The following ANK2 variants were observed in gnomAD, a reference collection of about 807,000 sequenced individuals.
ANK2 encodes ankyrin-2.
A neutral mutation model predicts 360.5 loss-of-function variants in ANK2; 83 were observed. The ratio of observed to expected loss-of-function variants is 0.23; its 90% CI spans 0.19 to 0.28. ANK2 has a LOEUF of 0.28. Among genes scored for constraint, ANK2 ranks in the 10% least tolerant of loss-of-function variants. ANK2 has a pLI of 1.00. For missense variants in ANK2, 4,201 were observed against 4,795.7 expected, an observed-to-expected ratio of 0.88 and a Z score of 3.66; for synonymous variants, 1,740 against 1,759.5, an observed-to-expected ratio of 0.99 and a Z score of 0.28.
chr4:113,004,609 T>A (rs898027547), intron 2 of ANK2, among the ~76,000 whole-genome samples: 2 of 152,226 alleles, frequency 1.3e-5, no homozygotes, highest in Non-Finnish European at 2.9e-5. Flanking sequence ...TACAGTTAAC[T>A]TCTTTTTCTA....
chr4:113,113,323 C>G (rs2094478272), intron 1 of ANK2, among the ~76,000 whole-genome samples: 1 of 152,094 alleles, frequency 6.6e-6, no homozygotes, highest in Non-Finnish European at 1.5e-5. Context: ...TTCTCCTGGG[C>G]AGGGCTAGGG....
intron 1 of ANK2, among the ~76,000 whole-genome samples, chr4:112,846,077 C>T (rs1410128374): frequency 6.6e-6 from 1 of 152,084 alleles, no homozygotes; most frequent in African/African-American, 2.4e-5. Flanking sequence ...GTAGTCTTTC[C>T]TAACTGAATC....
chr4:112,897,199 G>A (rs2082024928), intron 1 of ANK2, among the ~76,000 whole-genome samples: 1 of 152,098 alleles, frequency 6.6e-6, no homozygotes. Flanking sequence ...CAAACACCTT[G>A]CATAGCTATA....
chr4:113,246,091 C>T (rs374956382), intron 9 of ANK2, among the ~76,000 whole-genome samples: 1 of 152,286 alleles, frequency 6.6e-6, no homozygotes, highest in Admixed American at 6.5e-5. Context: ...CCACCACACC[C>T]GGCCGGAATG....
intron 18 of ANK2, among the ~76,000 whole-genome samples, chr4:113,287,140 C>T (rs2065054216): frequency 6.6e-6 from 1 of 152,168 alleles, no homozygotes; most frequent in South Asian, 2.1e-4. Flanking sequence ...GAAAGTTTTT[C>T]TGAACTCATT....
chr4:112,936,275 G>T (rs1222620188), intron 2 of ANK2, among the ~76,000 whole-genome samples: 6 of 152,048 alleles, frequency 3.9e-5, no homozygotes. Context: ...GTGAGAAGTA[G>T]AAACAATGAT....
chr4:113,100,578 C>T (rs978987766), intron 1 of ANK2, among the ~76,000 whole-genome samples: 9 of 152,058 alleles, frequency 5.9e-5, no homozygotes, highest in African/African-American at 2.2e-4. Flanking sequence ...AGTGTCTTAG[C>T]AAGGCTAAAC....
intron 2 of ANK2, among the ~76,000 whole-genome samples, chr4:112,932,443 G>A (rs1305671983): frequency 7.1e-6 from 1 of 140,434 alleles, no homozygotes; most frequent in East Asian, 2.1e-4. Context: ...AGTGAGTTGA[G>A]ATAGCGCCAC....
intron 1 of ANK2, among the ~76,000 whole-genome samples, chr4:112,829,212 A>C (rs1579183646): frequency 6.6e-6 from 1 of 152,004 alleles, no homozygotes; most frequent in Admixed American, 6.6e-5. Context: ...TTTAAATCCA[A>C]TGTTTGTTTG....
At chr4:112,760,479 G>A in the ANK2 span, among the ~76,000 whole-genome samples, 1 of 151,202 alleles carries the variant, frequency 6.6e-6, no homozygotes, top group Non-Finnish European at 1.5e-5. Flanking sequence ...GAGCCCCCGT[G>A]CCCAGCCTCA....
intron 1 of ANK2, among the ~76,000 whole-genome samples, chr4:113,079,864 T>C (rs949727393): frequency 6.6e-6 from 1 of 151,704 alleles, no homozygotes; most frequent in Non-Finnish European, 1.5e-5. Flanking sequence ...TATCTATTAA[T>C]TTAAATAAAG....
chr4:112,710,670 C>T, the ANK2 span, among the ~76,000 whole-genome samples: 1 of 151,270 alleles, frequency 6.6e-6, no homozygotes, highest in Non-Finnish European at 1.5e-5. Flanking sequence ...TGCACTCCAG[C>T]CTGGATGACA....
intron 1 of ANK2, among the ~76,000 whole-genome samples, chr4:113,071,046 A>AACAG (rs2077366291): frequency 6.6e-6 from 1 of 152,212 alleles, no homozygotes; most frequent in Non-Finnish European, 1.5e-5. Context: ...AGAACAAAGT[A>AACAG]ACAGACAAGA....
intron 2 of ANK2, among the ~76,000 whole-genome samples, chr4:112,913,938 A>G (rs1019665563): frequency 1.3e-5 from 2 of 151,632 alleles, no homozygotes; most frequent in African/African-American, 4.8e-5. Context: ...CTTTTTTTTG[A>G]TGGGAATATT....
chr4:112,831,524 A>G (rs11945224), intron 1 of ANK2, among the ~76,000 whole-genome samples: 88,679 of 151,846 alleles, frequency 0.58, 26,824 homozygotes, highest in East Asian at 0.93. Flanking sequence ...GTTTGTAAAT[A>G]CACCAATCAG....
At chr4:112,830,154 T>C (rs1194027522) in intron 1 of ANK2, among the ~76,000 whole-genome samples, 2 of 151,998 alleles carry the variant, frequency 1.3e-5, no homozygotes, top group Admixed American at 6.6e-5. Flanking sequence ...ACTGAGTGTA[T>C]AACAAAAGAA....
intron 1 of ANK2, among the ~76,000 whole-genome samples, chr4:113,058,719 T>C (rs2071471924): frequency 6.6e-6 from 1 of 152,064 alleles, no homozygotes; most frequent in African/African-American, 2.4e-5. Context: ...TGGCCAATAA[T>C]TTAAAATGAA....
the ANK2 span, among the ~76,000 whole-genome samples, chr4:112,759,143 CT>C: frequency 6.6e-6 from 1 of 151,694 alleles, no homozygotes; most frequent in African/African-American, 2.4e-5. Flanking sequence ...TACAAGATAG[CT>C]TTTTTTTAAG....
intron 43 of ANK2, among the ~76,000 whole-genome samples, chr4:113,372,219 A>G (rs564364491): frequency 2.5e-4 from 38 of 152,008 alleles, no homozygotes; most frequent in Admixed American, 2.4e-3. Flanking sequence ...CTTTTTTTTT[A>G]GGAGTTTAAG....
Sources: allele counts gnomAD v4.1 joint callset (sites outside exome capture counted in the v4.1 genomes callset), GRCh38; gene constraint gnomAD v4.1.1; transcripts MANE v1.5; gene names NCBI Gene and HGNC (gene_info 2026-07-23, HGNC 2026-07-21).